The following ATL2 variants were observed in gnomAD, a reference collection of about 807,000 sequenced individuals.
ATL2 encodes atlastin GTPase 2, also known as atlastin-2.
Under a neutral mutation model 73.9 loss-of-function variants are expected in ATL2, and 31 were observed. The observed-to-expected ratio is 0.42, with a 90% CI of 0.32 to 0.57. The LOEUF is 0.57. ATL2 is among the 20% of genes least tolerant of loss of function. The probability of loss-of-function intolerance (pLI) is 0.14; values close to 1 mark genes in which losing one functional copy is unlikely to be tolerated. For synonymous variants in ATL2, 291 were observed against 237.5 expected, an observed-to-expected ratio of 1.23 and a Z score of -2.07; for missense variants, 738 against 702.6, an observed-to-expected ratio of 1.05 and a Z score of -0.57.
chr2:38,329,436 A>AAAAAAAAAAAAAAAAAAC (rs1668856767), intron 2 of ATL2, among the ~76,000 whole-genome samples: 1 of 146,514 alleles, frequency 6.8e-6, no homozygotes, highest in Non-Finnish European at 1.5e-5. Context: ...AAAAAAAAAA[A>AAAAAAAAAAAAAAAAAAC]AAAAAAAAAA....
At chr2:38,327,426 C>CA (rs1668726601) in intron 2 of ATL2, among the ~76,000 whole-genome samples, 1 of 143,514 alleles carries the variant, frequency 7.0e-6, no homozygotes, top group African/African-American at 2.6e-5. Context: ...AGGCAGCCAC[C>CA]AAAAAACACG....
chr2:38,328,135 T>C (rs1668773550), intron 2 of ATL2, among the ~76,000 whole-genome samples: 1 of 152,060 alleles, frequency 6.6e-6, no homozygotes. Context: ...TAAGGAAACA[T>C]AAAAACCACT....
chr2:38,377,678 T>C (rs1161709193), upstream of ATL2, among the ~76,000 whole-genome samples: 1 of 152,186 alleles, frequency 6.6e-6, no homozygotes, highest in African/African-American at 2.4e-5. Flanking sequence ...TCTCTAATCG[T>C]TGATTCGTGC....
intron 2 of ATL2, among the ~76,000 whole-genome samples, chr2:38,341,209 C>T (rs1669695870): frequency 3.9e-5 from 6 of 152,204 alleles, no homozygotes; most frequent in Admixed American, 3.9e-4. Context: ...TATACACAAG[C>T]TAACTTAAGG....
intron 1 of ATL2, among the ~76,000 whole-genome samples, chr2:38,350,508 A>C (rs1177414659): frequency 6.6e-6 from 1 of 152,234 alleles, no homozygotes; most frequent in Non-Finnish European, 1.5e-5. Flanking sequence ...ACTATTCTCT[A>C]TAATACGAAA....
chr2:38,359,257 G>A (rs1964707), intron 1 of ATL2, among the ~76,000 whole-genome samples: 36,003 of 151,948 alleles, frequency 0.24, 4,319 homozygotes, highest in South Asian at 0.35. Flanking sequence ...ATCACCTGAG[G>A]TCAGGCGTTC....
At chr2:38,306,593 C>T (rs1482153429) in intron 9 of ATL2, among the ~76,000 whole-genome samples, 2 of 152,128 alleles carry the variant, frequency 1.3e-5, no homozygotes, top group East Asian at 1.9e-4. Flanking sequence ...ATCAATCAAT[C>T]AATCAGTCAG....
intron 12 of ATL2, among the ~76,000 whole-genome samples, chr2:38,297,463 G>A (rs746672474): frequency 2.8e-4 from 42 of 152,162 alleles, no homozygotes; most frequent in Non-Finnish European, 5.6e-4. Context: ...CCAGCACACC[G>A]GAGGCAGATA....
intron 2 of ATL2, among the ~76,000 whole-genome samples, chr2:38,329,953 A>AC (rs968870386): frequency 6.6e-6 from 1 of 151,958 alleles, no homozygotes; most frequent in African/African-American, 2.4e-5. Context: ...ACATGGCAAA[A>AC]CCCCATCTCT....
chr2:38,367,023 C>T lies in ATL2; in HGVS notation c.118+10120G>A, dbSNP rs183396220. Reference sequence around the variant, plus strand: ...TTATTACTATTATTATTTTTTTTAGCAACAGAGTCTCACTATGTCGCCCAG... The same window carrying T: ...TTATTACTATTATTATTTTTTTTAGTAACAGAGTCTCACTATGTCGCCCAG... On this transcript the variant is annotated intron_variant, in intron 1 of 12. Transcript: ENST00000378954. 3.9e-5 allele frequency among the ~76,000 whole-genome samples: 6 copies of T among 152,026 alleles called. 1 individual carries two copies. The highest frequency in any genetic ancestry group is 2.6e-4 in the Admixed American group (4 of 15,254).
intron 1 of ATL2, among the ~76,000 whole-genome samples, chr2:38,370,229 C>T (rs184256114): frequency 8.7e-5 from 13 of 148,814 alleles, no homozygotes; most frequent in Admixed American, 1.3e-4. Context: ...CTTTGGGGGC[C>T]GAGGTGGGTG....
At chr2:38,324,568 C>T (rs1027064225) in intron 2 of ATL2, among the ~76,000 whole-genome samples, 3 of 152,186 alleles carry the variant, frequency 2.0e-5, no homozygotes, top group Non-Finnish European at 4.4e-5. Flanking sequence ...TGTCTAACAT[C>T]TTATCCAACC....
At chr2:38,323,157 T>C (rs539013094) in intron 2 of ATL2, among the ~76,000 whole-genome samples, 1 of 152,308 alleles carries the variant, frequency 6.6e-6, no homozygotes, top group African/African-American at 2.4e-5. Flanking sequence ...TTTGCTGTGA[T>C]AATTTACTAA....
At chr2:38,362,084 T>C (rs1426065176) in intron 1 of ATL2, among the ~76,000 whole-genome samples, 1 of 152,166 alleles carries the variant, frequency 6.6e-6, no homozygotes. Context: ...TCATTTAAAA[T>C]AAATCCCTAG....
At chr2:38,377,313 T>G, upstream of ATL2, 8 of 1,458,512 alleles carry the variant, frequency 5.5e-6, no homozygotes, top group Non-Finnish European at 7.3e-6. Context: ...CGCCGCCGCT[T>G]TATCAACCTC....
chr2:38,373,781 T>C (rs1474915119), intron 1 of ATL2, among the ~76,000 whole-genome samples: 4 of 152,356 alleles, frequency 2.6e-5, no homozygotes, highest in East Asian at 1.9e-4. Context: ...TCCATGACCA[T>C]AACAAACAGA....
chr2:38,319,588 G>C (rs1489446361), intron 2 of ATL2, among the ~76,000 whole-genome samples: 1 of 139,220 alleles, frequency 7.2e-6, no homozygotes, highest in Non-Finnish European at 1.5e-5. Context: ...GACAGAGTGA[G>C]ATCCTGCCTC....
At chr2:38,313,065 C>A (rs1667844827) in intron 7 of ATL2, 86 bp downstream of exon 7, 2 of 859,892 alleles carry the variant, frequency 2.3e-6, no homozygotes, top group Non-Finnish European at 3.7e-6. Flanking sequence ...CACGTAAATA[C>A]TGGTAATGTG....
At chr2:38,369,883 G>A (rs1371996464) in intron 1 of ATL2, among the ~76,000 whole-genome samples, 1 of 151,840 alleles carries the variant, frequency 6.6e-6, no homozygotes, top group Non-Finnish European at 1.5e-5. Flanking sequence ...CGGGCGCGGT[G>A]GCTCACGCCA....
Sources: allele counts gnomAD v4.1 joint callset (sites outside exome capture counted in the v4.1 genomes callset), GRCh38; gene constraint gnomAD v4.1.1; transcripts MANE v1.5; gene names NCBI Gene and HGNC (gene_info 2026-07-23, HGNC 2026-07-21).